Variants in PDZRN3 observed in about 807,000 individuals in gnomAD.
PDZRN3 encodes the protein E3 ubiquitin-protein ligase PDZRN3.
In PDZRN3, 38 loss-of-function variants were observed where a neutral mutation model predicts 85.7. The observed-to-expected ratio is 0.44, with a 90% CI of 0.34 to 0.58. The LOEUF (loss-of-function observed/expected upper bound fraction) is 0.58. Ranked by LOEUF, PDZRN3 falls within the 20% of genes least tolerant of loss-of-function variation. The pLI, the probability that PDZRN3 is intolerant of heterozygous loss-of-function variation, is 0.01. For missense variants in PDZRN3, 1,629 were observed against 1,506.4 expected, an observed-to-expected ratio of 1.08 and a Z score of -1.35; for synonymous variants, 759 against 638.0, an observed-to-expected ratio of 1.19 and a Z score of -2.86.
intron 3 of PDZRN3, among the ~76,000 whole-genome samples, chr3:73,533,940 T>C (rs1704719264): frequency 6.6e-6 from 1 of 151,308 alleles, no homozygotes. Context: ...ACCCCCACTC[T>C]CCTTTCTTCA....
At chr3:73,434,187 T>C (rs1702488048) in intron 3 of PDZRN3, among the ~76,000 whole-genome samples, 1 of 152,228 alleles carries the variant, frequency 6.6e-6, no homozygotes, top group African/African-American at 2.4e-5. Flanking sequence ...TTGCAAGCTA[T>C]TTTCTGGCAG....
intron 3 of PDZRN3, among the ~76,000 whole-genome samples, chr3:73,571,342 T>C (rs1431946819): frequency 6.6e-6 from 1 of 152,216 alleles, no homozygotes; most frequent in Non-Finnish European, 1.5e-5. Flanking sequence ...AAATCGTGCC[T>C]TTGTGACAAA....
At position 73,383,761 on chromosome 3, in the gene PDZRN3, C is replaced by G; in HGVS notation, c.2805G>C (p.Lys935Asn). 1 of 1,613,006 alleles carries G rather than the reference C, an allele frequency of 6.2e-7. No individual in the cohort carries two copies. The highest frequency in any genetic ancestry group is 8.5e-7 in the Non-Finnish European group (1 of 1,179,980). The change falls in exon 10 of 10, where the codon AAG becomes AAC. Residue 935 changes from lysine to asparagine, a missense_variant. Lys to Asn is a moderately conservative substitution (Grantham distance 94). Transcript: ENST00000263666. The stretch of plus-strand genomic sequence containing the variant: ...GCAGCAGGCGGTCCCGCACGGGCCT[C>G]TTGGTGATGTAGCGCGTCCCGTCGC... The part of the protein sequence containing the change: ...IRSDGTRYIT[K>N]RPVRDRLLRE...
At chr3:73,420,563 GTTCCT>G (rs1480017900) in intron 3 of PDZRN3, among the ~76,000 whole-genome samples, 7 of 152,264 alleles carry the variant, frequency 4.6e-5, no homozygotes, top group Admixed American at 2.0e-4. Flanking sequence ...ATTCTCCACT[GTTCCT>G]TTCAAGAAAA....
intron 3 of PDZRN3, among the ~76,000 whole-genome samples, chr3:73,435,704 C>G (rs1338790063): frequency 6.6e-6 from 1 of 152,140 alleles, no homozygotes; most frequent in Non-Finnish European, 1.5e-5. Context: ...CTTGATGATG[C>G]CCAGAGCCTC....
chr3:73,432,197 C>T (rs955771189), intron 3 of PDZRN3, among the ~76,000 whole-genome samples: 2 of 152,300 alleles, frequency 1.3e-5, no homozygotes, highest in African/African-American at 4.8e-5. Flanking sequence ...ACTGAGAACT[C>T]CCCAGCTCAC....
intron 3 of PDZRN3, among the ~76,000 whole-genome samples, chr3:73,517,347 T>C (rs187645929): frequency 6.6e-6 from 1 of 152,330 alleles, no homozygotes; most frequent in African/African-American, 2.4e-5. Flanking sequence ...TCCAAACAGG[T>C]CTTCTTTCTA....
At chr3:73,561,159 T>C (rs1227935976) in intron 3 of PDZRN3, among the ~76,000 whole-genome samples, 10 of 152,258 alleles carry the variant, frequency 6.6e-5, no homozygotes, top group Admixed American at 1.3e-4. Flanking sequence ...GAATAAAATA[T>C]AGAATTTGTT....
At position 73,435,599 on chromosome 3, in the gene PDZRN3, C is replaced by A. The variant is rs1179977377; in HGVS notation, c.919-31204G>T. On this transcript the variant is annotated intron_variant, in intron 3 of 9. Coordinates refer to ENST00000263666, the MANE Select transcript of PDZRN3 (RefSeq NM_015009.3). ...CTTCACTCTCCTTGCCTCATCCCCA[C>A]CCTTGGTCCATCAGTGAGTCTGGTC... Among the ~76,000 whole-genome samples the A allele has an allele frequency of 2.6e-5, 4 of 152,176 alleles. No individual in the cohort carries two copies. The South Asian group carries it at 6.2e-4, about 24-fold the overall frequency.
At chr3:73,455,103 T>A (rs1346811709) in intron 3 of PDZRN3, among the ~76,000 whole-genome samples, 2 of 152,204 alleles carry the variant, frequency 1.3e-5, no homozygotes, top group South Asian at 4.1e-4. Context: ...ACAGTAAGTT[T>A]TTATTATCAG....
At chr3:73,523,607 A>G (rs1026308518) in intron 3 of PDZRN3, among the ~76,000 whole-genome samples, 2 of 152,236 alleles carry the variant, frequency 1.3e-5, no homozygotes, top group Non-Finnish European at 2.9e-5. Context: ...GAATACTATG[A>G]AAAAATATTT....
chr3:73,457,813 T>A (rs924134676), intron 3 of PDZRN3, among the ~76,000 whole-genome samples: 2 of 152,154 alleles, frequency 1.3e-5, no homozygotes, highest in Admixed American at 1.3e-4. Flanking sequence ...CATGTGAGGA[T>A]GCAGCAAGAA....
rs1429977645 is a variant in PDZRN3, at chr3:73,491,593, C to CTTTTTTTTTTTT, written c.919-87210_919-87199dup. On this transcript the variant is annotated intron_variant, in intron 3 of 9. Transcript: ENST00000263666. ...AAGAAAAACCTTGTGTGGAAGGTTCCTTTTTTTTTTTTAAGAAGCAGGGTC... is the reference window on the plus strand; with the variant it reads ...AAGAAAAACCTTGTGTGGAAGGTTCCTTTTTTTTTTTTTTTTTTTTTTTTAAGAAGCAGGGTC... Among the ~76,000 whole-genome samples, 1,036 of 132,782 alleles carry CTTTTTTTTTTTT rather than the reference C, an allele frequency of 7.8e-3. 16 individuals carry two copies. The highest frequency in any genetic ancestry group is 9.9e-3 in the Non-Finnish European group (637 of 64,398). The allele number at this position is 132,782 out of a possible 152,430, so 87.1% of individuals were successfully genotyped here.
Position 73,572,991 on chromosome 3 carries a change from T to A in PDZRN3, c.918+29363A>T, listed in dbSNP as rs115885991. Among the ~76,000 whole-genome samples, 731 of 152,376 alleles carry A rather than the reference T, an allele frequency of 4.8e-3. 4 individuals carry two copies. Among genetic ancestry groups the A allele is most frequent in the Non-Finnish European group, 6.3e-3 (429 of 68,032 alleles). ...GCAAAAGGGAGGTTTTAGGCTCTTT[T>A]GTGTCCCACAGTGTGCCGGAATTAA... On this transcript the variant is annotated intron_variant, in intron 3 of 9. Coordinates refer to ENST00000263666, the MANE Select transcript of PDZRN3 (RefSeq NM_015009.3).
intron 3 of PDZRN3, among the ~76,000 whole-genome samples, chr3:73,438,649 C>G (rs1034399433): frequency 2.6e-5 from 4 of 152,250 alleles, no homozygotes; most frequent in Non-Finnish European, 4.4e-5. Context: ...GCTGGCTCTT[C>G]TTTCCTGGGG....
At chr3:73,503,641 T>A (rs1417298989) in intron 3 of PDZRN3, among the ~76,000 whole-genome samples, 1 of 152,236 alleles carries the variant, frequency 6.6e-6, no homozygotes, top group Admixed American at 6.5e-5. Context: ...CTATGTACTT[T>A]GCAAGGTCTT....
chr3:73,522,736 A>G (rs1175960967), intron 3 of PDZRN3, among the ~76,000 whole-genome samples: 1 of 152,196 alleles, frequency 6.6e-6, no homozygotes, highest in African/African-American at 2.4e-5. Context: ...ATGCCTGGCC[A>G]AAACGAAGAG....
chr3:73,441,710 C>T (rs947629301), intron 3 of PDZRN3, among the ~76,000 whole-genome samples: 7 of 152,194 alleles, frequency 4.6e-5, no homozygotes, highest in African/African-American at 1.7e-4. Flanking sequence ...TAAGACCTTA[C>T]ATCTTCATTA....
At chr3:73,405,647 A>G (rs980367345) in intron 3 of PDZRN3, among the ~76,000 whole-genome samples, 7 of 152,198 alleles carry the variant, frequency 4.6e-5, no homozygotes, top group African/African-American at 9.7e-5. Context: ...CCTCATAGCA[A>G]TTCCTGAGTT....
Sources: allele counts gnomAD v4.1 joint callset (sites outside exome capture counted in the v4.1 genomes callset), GRCh38; gene constraint gnomAD v4.1.1; transcripts MANE v1.5; gene names NCBI Gene and HGNC (gene_info 2026-07-23, HGNC 2026-07-21).